Variants in CASZ1 observed in about 807,000 individuals in gnomAD.
CASZ1 encodes castor zinc finger 1.
Under a neutral mutation model 135.2 loss-of-function variants are expected in CASZ1, and 28 were observed. The ratio of observed to expected loss-of-function variants is 0.21; its 90% CI spans 0.15 to 0.28. The LOEUF (loss-of-function observed/expected upper bound fraction) is 0.28. Among genes scored for constraint, CASZ1 ranks in the 10% least tolerant of loss-of-function variants. CASZ1 has a pLI of 1.00. For synonymous variants in CASZ1, 1,068 were observed against 1,073.4 expected (o/e 0.99, Z 0.10); for missense variants, 2,161 against 2,453.3 (o/e 0.88, Z 2.52).
intron 1 of CASZ1, among the ~76,000 whole-genome samples, chr1:10,770,620 G>A (rs1423100223): frequency 3.9e-5 from 6 of 152,078 alleles, no homozygotes; most frequent in African/African-American, 1.4e-4. Flanking sequence ...TGCTCCCACT[G>A]CCCAGATGCC....
intron 2 of CASZ1, among the ~76,000 whole-genome samples, chr1:10,745,396 A>AT (rs1435164332): frequency 4.2e-5 from 5 of 120,182 alleles, no homozygotes; most frequent in East Asian, 2.1e-4. Context: ...TACCAGGGAC[A>AT]CGAACACAGA....
rs1014453945 is a variant in CASZ1, at chr1:10,747,289, G to A, written c.-77+13412C>T. ...AGGTGGGGTCTGCAGAGAGAGGCAG[G>A]GTTCTGAATACGCTCATCTTTCGTA... is the stretch of plus-strand genomic sequence containing the variant. On this transcript the variant is annotated intron_variant, in intron 2 of 20. Transcript: ENST00000377022. The surrounding 1 kb of genome is among the most constrained non-coding windows in gnomAD (Gnocchi z 4.3). 6.6e-6 allele frequency among the ~76,000 whole-genome samples: 1 copy of A among 152,180 alleles called. No individual in the cohort carries two copies. The highest frequency in any genetic ancestry group is 6.5e-5 in the Admixed American group (1 of 15,282).
At position 10,639,184 on chromosome 1, in the gene CASZ1, C is replaced by T. The variant is rs1363012303; in HGVS notation, c.5038G>A (p.Glu1680Lys). 2.0e-6 allele frequency: 2 copies of T among 1,001,032 alleles called. No homozygotes were observed. Among genetic ancestry groups the T allele is most frequent in the Non-Finnish European group, 2.4e-6 (2 of 826,072 alleles). 62.0% of individuals were successfully genotyped at this position (1,001,032 alleles called of 1,614,324 possible). A position where few individuals can be genotyped will look rare whatever the true frequency, so the allele number is the denominator to read the frequency against. The change falls in exon 21 of 21, where the codon GAG (glutamate) becomes AAG (lysine). Residue 1680 changes from glutamate (E) to lysine (K), a missense_variant. This residue lies in a region of CASZ1 where 185 missense variants were observed against 134.7 expected (regional missense o/e 1.37). Coordinates refer to ENST00000377022, the MANE Select transcript of CASZ1 (RefSeq NM_001079843.3). The surrounding 1 kb of genome is among the most constrained non-coding windows in gnomAD (Gnocchi z 4.0). ...AGESSQEDEEEELELPEEEAE... is the reference protein window; with the variant it reads ...AGESSQEDEEKELELPEEEAE... ...TCCTCCTCCGGCAGCTCCAGCTCCT[C>T]CTCCTCGTCCTCCTGCGAGGACTCC...
intron 1 of CASZ1, among the ~76,000 whole-genome samples, chr1:10,780,024 C>T (rs900419264): frequency 6.6e-6 from 1 of 152,158 alleles, no homozygotes; most frequent in African/African-American, 2.4e-5. Flanking sequence ...GCCAGGAGTG[C>T]CCTGGCCCTT....
chr1:10,750,662 G>A (rs923555074), intron 2 of CASZ1, among the ~76,000 whole-genome samples: 2 of 152,132 alleles, frequency 1.3e-5, no homozygotes, highest in Non-Finnish European at 2.9e-5. Context: ...CACTTTGGGA[G>A]GCTGACGCAG....
At chr1:10,745,654 G>A (rs970161462) in intron 2 of CASZ1, among the ~76,000 whole-genome samples, 1 of 152,186 alleles carries the variant, frequency 6.6e-6, no homozygotes, top group Non-Finnish European at 1.5e-5. Context: ...AAATGATGTC[G>A]CCAGTCCTGG....
rs570411712 is a variant in CASZ1 at position 10,659,878 on chromosome 1, C to T, written c.1164G>A (p.Lys388=). 5.6e-6 allele frequency: 9 copies of T among 1,611,088 alleles called. No homozygotes were observed. Among genetic ancestry groups the T allele is most frequent in the Middle Eastern group, 1.7e-4 (1 of 5,906 alleles). ...GAGCCAGGCTGGGGGTGGGCGGAAC[C>T]TTGGCGGGGCCTGGCTTCTGGATGC... ...VRGIQKPGPA[K]VPPTPSLAPA... The change falls in exon 6 of 21, where the codon AAG becomes AAA. Residue 388 remains lysine, a synonymous_variant. Transcript: ENST00000377022.
chr1:10,689,845 C>T (rs1211756054), intron 4 of CASZ1, among the ~76,000 whole-genome samples: 1 of 152,238 alleles, frequency 6.6e-6, no homozygotes, highest in Non-Finnish European at 1.5e-5. Context: ...TCTTAAAGGT[C>T]ATCTGATGCT....
chr1:10,728,237 A>C (rs1639632845), intron 2 of CASZ1, among the ~76,000 whole-genome samples: 1 of 152,210 alleles, frequency 6.6e-6, no homozygotes, highest in Admixed American at 6.5e-5. Context: ...GCCTGAGGCC[A>C]TCAACTGGGC....
In CASZ1 at chr1:10,637,193, A is replaced by G. The variant is rs961440113; in HGVS notation, c.*1749T>C. ...TGTGTGTGTTTTTTTTTCCTTTACA[A>G]AACTCCTTCCACAGACGCCCGGGGC... On this transcript the variant is annotated 3_prime_UTR_variant, in exon 21 of 21. Coordinates refer to ENST00000377022, the MANE Select transcript of CASZ1 (RefSeq NM_001079843.3). 2.0e-5 allele frequency: 3 copies of G among 152,272 alleles called. No individual in the cohort carries two copies. Among genetic ancestry groups the G allele is most frequent in the Non-Finnish European group, 2.9e-5 (2 of 67,980 alleles). 9.4% of individuals were successfully genotyped at this position (152,272 alleles called of 1,614,324 possible).
chr1:10,642,911 G>A lies in CASZ1; in HGVS notation c.4110C>T (p.Thr1370=), dbSNP rs1167966143. 1.2e-6 allele frequency: 2 copies of A among 1,613,076 alleles called. No homozygotes were observed. The highest frequency in any genetic ancestry group is 1.1e-5 in the South Asian group (1 of 91,080). ...GGGTGCTGGAGCAGCTCCGGTCCAT[G>A]GTGGATGACTCAGAGGACATGGCGC... ...SPGAMSSESS[T]MDRSCSSTPV... is the part of the protein sequence containing the mutation. The change falls in exon 20 of 21, where the codon ACC becomes ACT. Residue 1370 remains threonine (T), a synonymous_variant. Coordinates refer to ENST00000377022, the MANE Select transcript of CASZ1 (RefSeq NM_001079843.3).
intron 8 of CASZ1, 52 bp from the exon 9 acceptor site, chr1:10,655,865 T>C (rs1386652856): frequency 6.3e-7 from 1 of 1,585,198 alleles, no homozygotes; most frequent in African/African-American, 1.3e-5. Flanking sequence ...CCCTCCGCCC[T>C]TCCTCCCATA....
At chr1:10,642,746 C>T (rs1642246649) in intron 20 of CASZ1, 113 bp downstream of exon 20, 3 of 1,225,132 alleles carry the variant, frequency 2.4e-6, no homozygotes, top group African/African-American at 3.0e-5. Flanking sequence ...GCACGCCAGC[C>T]TGTCCTCCTC....
chr1:10,713,321 A>T (rs1326125284), intron 2 of CASZ1, among the ~76,000 whole-genome samples: 1 of 152,092 alleles, frequency 6.6e-6, no homozygotes, highest in East Asian at 1.9e-4. Flanking sequence ...TTATTTATTT[A>T]ATTTTTTGGG....
At chr1:10,728,686 C>T (rs1639639719) in intron 2 of CASZ1, among the ~76,000 whole-genome samples, 1 of 152,002 alleles carries the variant, frequency 6.6e-6, no homozygotes, top group African/African-American at 2.4e-5. Flanking sequence ...GAGACCCCGG[C>T]TTGAAAAAAA....
intron 1 of CASZ1, among the ~76,000 whole-genome samples, chr1:10,779,464 C>T (rs1006262447): frequency 1.3e-5 from 2 of 152,068 alleles, no homozygotes; most frequent in South Asian, 2.1e-4. Flanking sequence ...TGGGTGCAGG[C>T]GCCCTCTCGC....
chr1:10,743,396 G>A (rs1272439436), intron 2 of CASZ1, among the ~76,000 whole-genome samples: 6 of 151,796 alleles, frequency 4.0e-5, no homozygotes, highest in Non-Finnish European at 8.8e-5. Flanking sequence ...TCGGTTCATG[G>A]GGAGAAAGGG....
rs1639918071 is a variant in CASZ1 at position 10,741,317 on chromosome 1, C to T, written c.-77+19384G>A. Reference sequence around the variant, plus strand: ...GCTTTAAACGACATGAGGGCAGGGACTTGTTCAAAGAGGAAAACAGCAAAG... The same window carrying T: ...GCTTTAAACGACATGAGGGCAGGGATTTGTTCAAAGAGGAAAACAGCAAAG... On this transcript the variant is annotated intron_variant, in intron 2 of 20. Coordinates refer to ENST00000377022, the MANE Select transcript of CASZ1 (RefSeq NM_001079843.3). The surrounding 1 kb of genome is among the most constrained non-coding windows in gnomAD (Gnocchi z 5.0). Among the ~76,000 whole-genome samples the T allele has an allele frequency of 6.6e-6, 1 of 152,140 alleles. No individual in the cohort carries two copies. Among genetic ancestry groups the T allele is most frequent in the Admixed American group, 6.5e-5 (1 of 15,278 alleles).
At chr1:10,713,821 G>T (rs764835668) in intron 2 of CASZ1, among the ~76,000 whole-genome samples, 2 of 152,232 alleles carry the variant, frequency 1.3e-5, no homozygotes, top group Non-Finnish European at 2.9e-5. Flanking sequence ...ATTGCTGGCC[G>T]CCCCTGTGCC....
Sources: allele counts gnomAD v4.1 joint callset (sites outside exome capture counted in the v4.1 genomes callset), GRCh38; gene constraint gnomAD v4.1.1; regional missense constraint gnomAD v4.1.1; non-coding constraint Gnocchi (gnomAD v3.1); transcripts MANE v1.5; gene names NCBI Gene and HGNC (gene_info 2026-07-23, HGNC 2026-07-21).